The following MTRF1 variants were observed in gnomAD, a reference collection of about 807,000 sequenced individuals.
The protein encoded by MTRF1 is peptide chain release factor 1, mitochondrial.
Under a neutral mutation model 62.9 loss-of-function variants are expected in MTRF1, and 51 were observed. The observed-to-expected ratio is 0.81, with a 90% CI of 0.65 to 1.02. The LOEUF is 1.02. MTRF1 is among the 50% of genes least tolerant of loss of function. MTRF1 has a pLI of 0.00. For missense variants in MTRF1, 446 were observed against 530.0 expected, an observed-to-expected ratio of 0.84 and a Z score of 1.56; for synonymous variants, 158 against 181.9, an observed-to-expected ratio of 0.87 and a Z score of 1.06.
the MTRF1 span, among the ~76,000 whole-genome samples, chr13:41,277,795 C>T: frequency 6.6e-6 from 1 of 152,286 alleles, no homozygotes; most frequent in South Asian, 2.1e-4. Flanking sequence ...AGTCCCAACC[C>T]TCTAATCCTA....
At chr13:41,289,317 A>G in the MTRF1 span, among the ~76,000 whole-genome samples, 1 of 144,092 alleles carries the variant, frequency 6.9e-6, no homozygotes. Flanking sequence ...AGCTCACTGC[A>G]CCCTCTGCCT....
At chr13:41,274,690 TAA>T in the MTRF1 span, among the ~76,000 whole-genome samples, 3 of 150,396 alleles carry the variant, frequency 2.0e-5, no homozygotes, top group Non-Finnish European at 3.0e-5. Context: ...ATAATAATAA[TAA>T]TATTATTTTT....
At chr13:41,261,745 AG>A in intron 1 of MTRF1, 4 of 971,420 alleles carry the variant, frequency 4.1e-6, no homozygotes, top group Non-Finnish European at 4.9e-6. Context: ...TTAGAATGTA[AG>A]TTGCCTGTTC....
At chr13:41,287,919 A>C in the MTRF1 span, 3 of 425,192 alleles carry the variant, frequency 7.1e-6, no homozygotes, top group South Asian at 6.1e-5. Context: ...GATGGGAGTC[A>C]GCTTCTTCTC....
chr13:41,285,835 C>T, the MTRF1 span, among the ~76,000 whole-genome samples: 1 of 151,898 alleles, frequency 6.6e-6, no homozygotes, highest in Non-Finnish European at 1.5e-5. Flanking sequence ...AATCCCAACC[C>T]TGCAGATTGC....
the MTRF1 span, among the ~76,000 whole-genome samples, chr13:41,278,600 A>G: frequency 3.3e-3 from 497 of 152,270 alleles, 1 homozygote; most frequent in African/African-American, 0.011. Context: ...TCTTCTCTCC[A>G]CTAATATCCA....
chr13:41,265,917 T>C (rs796715207), upstream of MTRF1, among the ~76,000 whole-genome samples: 1 of 152,166 alleles, frequency 6.6e-6, no homozygotes, highest in Non-Finnish European at 1.5e-5. Flanking sequence ...TGGCCTGATC[T>C]TGGCTCACTG....
chr13:41,292,067 CAAAACAAAAACA>C, the MTRF1 span, among the ~76,000 whole-genome samples: 3 of 151,766 alleles, frequency 2.0e-5, no homozygotes, highest in Admixed American at 6.6e-5. Context: ...CAGAGACCAA[CAAAACAAAAACA>C]AAAACAAAAA....
chr13:41,273,616 T>C, the MTRF1 span, among the ~76,000 whole-genome samples: 1 of 152,044 alleles, frequency 6.6e-6, no homozygotes, highest in Admixed American at 6.6e-5. Flanking sequence ...GGCAGGTGGA[T>C]CACCTGAGGT....
the MTRF1 span, among the ~76,000 whole-genome samples, chr13:41,280,691 T>A: frequency 1.3e-5 from 2 of 151,872 alleles, no homozygotes; most frequent in Admixed American, 1.3e-4. Flanking sequence ...GTTCTTAGGA[T>A]CTCCTGAGGG....
At chr13:41,282,327 T>C in the MTRF1 span, among the ~76,000 whole-genome samples, 4 of 152,090 alleles carry the variant, frequency 2.6e-5, no homozygotes, top group African/African-American at 9.7e-5. Flanking sequence ...CATGGTGGCA[T>C]GTGCCTATAC....
At chr13:41,304,022 C>T in the MTRF1 span, among the ~76,000 whole-genome samples, 1 of 152,176 alleles carries the variant, frequency 6.6e-6, no homozygotes, top group Non-Finnish European at 1.5e-5. Context: ...CACCACTTTA[C>T]TTCCTTAATA....
chr13:41,311,655 G>A, the MTRF1 span: 1 of 1,438,096 alleles, frequency 7.0e-7, no homozygotes, highest in South Asian at 1.2e-5. Context: ...GCGGTCTGGC[G>A]GCGGCCGGCG....
chr13:41,236,946 T>G (rs2138900947), intron 6 of MTRF1, among the ~76,000 whole-genome samples: 1 of 152,166 alleles, frequency 6.6e-6, no homozygotes, highest in South Asian at 2.1e-4. Context: ...GGCCCGGCAC[T>G]GTGGCTCACG....
the MTRF1 span, among the ~76,000 whole-genome samples, chr13:41,296,694 GA>G: frequency 6.6e-6 from 1 of 151,796 alleles, no homozygotes; most frequent in Non-Finnish European, 1.5e-5. Context: ...ATTTTATTAT[GA>G]TTTTTGATTG....
chr13:41,287,538 A>G, the MTRF1 span, among the ~76,000 whole-genome samples: 1 of 152,242 alleles, frequency 6.6e-6, no homozygotes, highest in Non-Finnish European at 1.5e-5. Flanking sequence ...TTGTCATTTT[A>G]GAGCTAAATT....
the MTRF1 span, among the ~76,000 whole-genome samples, chr13:41,293,886 T>C: frequency 6.6e-6 from 1 of 152,170 alleles, no homozygotes; most frequent in Non-Finnish European, 1.5e-5. Context: ...GAAACATGTT[T>C]CTAAAAATTA....
the MTRF1 span, chr13:41,311,108 G>A: frequency 3.7e-6 from 1 of 269,976 alleles, no homozygotes; most frequent in Non-Finnish European, 7.1e-6. Flanking sequence ...CTGAGCCCCA[G>A]GGGGTGCCGA....
upstream of MTRF1, among the ~76,000 whole-genome samples, chr13:41,265,942 C>T (rs1171390886): frequency 1.3e-5 from 2 of 152,078 alleles, no homozygotes; most frequent in Non-Finnish European, 2.9e-5. Context: ...TTCTGTCTCC[C>T]GGATTCAAGC....
Sources: gnomAD v4.1 joint callset for allele counts (sites outside exome capture counted in the v4.1 genomes callset) on GRCh38, gnomAD v4.1.1 for gene constraint, MANE v1.5 for transcripts, NCBI Gene and HGNC (gene_info 2026-07-23, HGNC 2026-07-21) for gene names.